The following FREM1 variants were observed in gnomAD, a reference collection of about 807,000 sequenced individuals.
FREM1 encodes the protein FRAS1-related extracellular matrix protein 1.
A neutral mutation model predicts 210.1 loss-of-function variants in FREM1; 220 were observed. That is an observed-to-expected ratio of 1.05 (90% confidence interval 0.94 to 1.17). FREM1 has a LOEUF of 1.17. Among genes scored for constraint, FREM1 ranks in the 50% most tolerant of loss-of-function variants. The pLI is 0.00. For synonymous variants in FREM1, 1,189 were observed against 980.2 expected (o/e 1.21, Z -3.98); for missense variants, 3,454 against 2,675.5 (o/e 1.29, Z -6.42).
chr9:14,757,256 T>C (rs1041280463), intron 28 of FREM1, among the ~76,000 whole-genome samples: 2 of 151,946 alleles, frequency 1.3e-5, no homozygotes, highest in Non-Finnish European at 2.9e-5. Context: ...CCCAAACACA[T>C]GTTAAGAAGT....
intron 16 of FREM1, 123 bp downstream of exon 16, chr9:14,812,689 C>A: frequency 1.0e-6 from 1 of 963,360 alleles, no homozygotes; most frequent in East Asian, 2.5e-5. Context: ...GGCCAGGCTG[C>A]AGCTGCTTCT....
rs922105557 is a variant in FREM1 at position 14,836,129 on chromosome 9, C to T, written c.1881+5318G>A. On this transcript the variant is annotated intron_variant, in intron 10 of 36. Transcript: ENST00000380880. The surrounding 1 kb of genome is among the most constrained non-coding windows in gnomAD (Gnocchi z 4.9). ...ATAAAACCAAGGAACTTCATAGACC[C>T]CCAAAGGGGAGTTCTCTATCTTGGC... is the stretch of plus-strand genomic sequence containing the variant. Among the ~76,000 whole-genome samples the T allele has an allele frequency of 1.3e-5, 2 of 152,168 alleles. No homozygotes were observed. The highest frequency in any genetic ancestry group is 2.4e-5 in the African/African-American group (1 of 41,444).
rs749104141 is a variant in FREM1 at position 14,775,774 on chromosome 9, G to A, written c.4857+15C>T. The A allele has an allele frequency of 2.2e-6, 3 of 1,341,108 alleles. No individual in the cohort carries two copies. The highest frequency in any genetic ancestry group is 3.5e-5 in the Admixed American group (2 of 57,890). The allele number at this position is 1,341,108 out of a possible 1,614,324, so 83.1% of individuals were successfully genotyped here. ...TTCACATCTCTGGCAAATGAACTGTGTTTTTCATACTTGCCTGAATGGTGA... is the reference window on the plus strand; with the variant it reads ...TTCACATCTCTGGCAAATGAACTGTATTTTTCATACTTGCCTGAATGGTGA... On this transcript the variant is annotated intron_variant, in intron 25 of 36. Coordinates refer to ENST00000380880, the MANE Select transcript of FREM1 (RefSeq NM_001379081.2).
chr9:14,752,005 A>G (rs1587706889), intron 29 of FREM1, among the ~76,000 whole-genome samples: 1 of 150,406 alleles, frequency 6.6e-6, no homozygotes, highest in South Asian at 2.1e-4. Flanking sequence ...AGCATCTAGT[A>G]TGTATAATAA....
intron 10 of FREM1, among the ~76,000 whole-genome samples, chr9:14,831,485 C>T (rs1823545773): frequency 6.6e-6 from 1 of 152,168 alleles, no homozygotes; most frequent in Non-Finnish European, 1.5e-5. Context: ...ATTTTAATCT[C>T]GATATTGTCC....
intron 27 of FREM1, among the ~76,000 whole-genome samples, chr9:14,768,799 CT>C (rs1341867727): frequency 2.0e-5 from 3 of 152,114 alleles, no homozygotes; most frequent in Non-Finnish European, 4.4e-5. Flanking sequence ...GCTTTCTTTT[CT>C]TAATCTATAC....
chr9:14,751,689 C>T, intron 29 of FREM1: 1 of 152,204 alleles, frequency 6.6e-6, no homozygotes, highest in Non-Finnish European at 1.5e-5. Flanking sequence ...TTTTATCTTG[C>T]AGATTGCCTT....
chr9:14,830,128 T>C (rs1588227629), intron 10 of FREM1, among the ~76,000 whole-genome samples: 1 of 152,090 alleles, frequency 6.6e-6, no homozygotes, highest in African/African-American at 2.4e-5. Flanking sequence ...CTGGATAGTT[T>C]CAAGGGAAGA....
intron 36 of FREM1, among the ~76,000 whole-genome samples, chr9:14,738,860 C>T (rs1035849002): frequency 1.1e-4 from 17 of 151,460 alleles, no homozygotes; most frequent in Non-Finnish European, 4.4e-5. Context: ...AAATACAAAA[C>T]TTAGCCAGGT....
chr9:14,801,814 T>A lies in FREM1; in HGVS notation c.3532A>T (p.Ile1178Phe). ...CTGAACAGCAGGGCATCCTGGGGAA[T>A]GTCCAGGTCCACAGCGCTGATGATG... ...SSIISAVDLDIPQDALLFSIT... is the reference protein window; with the variant it reads ...SSIISAVDLDFPQDALLFSIT... The change falls in exon 20 of 37, where the codon ATT becomes TTT. Residue 1178 changes from isoleucine (I) to phenylalanine (F), a missense_variant. By Grantham distance (21) the Ile-to-Phe change is conservative. Coordinates refer to ENST00000380880, the MANE Select transcript of FREM1 (RefSeq NM_001379081.2). 1.2e-6 allele frequency: 2 copies of A among 1,613,982 alleles called. No homozygotes were observed. The highest frequency in any genetic ancestry group is 1.7e-6 in the Non-Finnish European group (2 of 1,179,886).
At chr9:14,813,233 T>C (rs1237855793) in intron 15 of FREM1, among the ~76,000 whole-genome samples, 169 bp from the exon 16 acceptor site, 2 of 152,190 alleles carry the variant, frequency 1.3e-5, no homozygotes, top group South Asian at 2.1e-4. Flanking sequence ...ACTTTTCCCA[T>C]GTAAACCATC....
At chr9:14,804,356 C>A (rs138596396) in intron 19 of FREM1, among the ~76,000 whole-genome samples, 1 of 152,074 alleles carries the variant, frequency 6.6e-6, no homozygotes, top group East Asian at 1.9e-4. Context: ...AAGGCCGAGG[C>A]GGGCGGATCA....
At position 14,851,284 on chromosome 9, in the gene FREM1, C is replaced by G. The variant is rs1239521140; in HGVS notation, c.1152G>C (p.Glu384Asp). 4 of 1,575,250 alleles carry G rather than the reference C, an allele frequency of 2.5e-6. No homozygotes were observed. The highest frequency in any genetic ancestry group is 2.6e-6 in the Non-Finnish European group (3 of 1,160,132). Reference protein sequence around the residue: ...NSSHSERRHDEVELEVYDFFF... With the variant: ...NSSHSERRHDDVELEVYDFFF... ...TGGAAGCTTTGTCTCTCCTTCTTAC[C>G]TCATCATGTCTCCTCTCAGAATGGC... Residue 384 changes from glutamate (E) to aspartate (D), a missense_variant and splice_region_variant, in exon 6 of 37, where the codon GAG becomes GAC. Coordinates refer to ENST00000380880, the MANE Select transcript of FREM1 (RefSeq NM_001379081.2).
chr9:14,870,481 TTGTC>T (rs1832426914), intron 1 of FREM1, among the ~76,000 whole-genome samples: 1 of 152,058 alleles, frequency 6.6e-6, no homozygotes, highest in Non-Finnish European at 1.5e-5. Context: ...TTTGTTGCTG[TTGTC>T]TTTGTTTTTT....
At chr9:14,789,751 T>G (rs1850989441) in intron 22 of FREM1, among the ~76,000 whole-genome samples, 1 of 152,220 alleles carries the variant, frequency 6.6e-6, no homozygotes, top group Non-Finnish European at 1.5e-5. Flanking sequence ...TAAGCCAACA[T>G]TATTTAAGCA....
chr9:14,842,835 T>C (rs1174231914), intron 8 of FREM1, among the ~76,000 whole-genome samples, 175 bp from the exon 9 acceptor site: 1 of 152,220 alleles, frequency 6.6e-6, no homozygotes, highest in Non-Finnish European at 1.5e-5. Context: ...TAGTTTTGAA[T>C]ACTGGCTCCA....
intron 14 of FREM1, among the ~76,000 whole-genome samples, chr9:14,817,833 C>A (rs948503082): frequency 6.6e-6 from 1 of 152,122 alleles, no homozygotes; most frequent in African/African-American, 2.4e-5. Flanking sequence ...GATCCTCTCA[C>A]GCACTACCCG....
chr9:14,792,604 G>A, intron 22 of FREM1, 139 bp downstream of exon 22: 1 of 587,602 alleles, frequency 1.7e-6, no homozygotes, highest in Non-Finnish European at 2.8e-6. Flanking sequence ...AATTCACCCT[G>A]AACTAGTAAA....
At chr9:14,851,927 T>C (rs907932197) in intron 5 of FREM1, among the ~76,000 whole-genome samples, 1 of 152,236 alleles carries the variant, frequency 6.6e-6, no homozygotes, top group African/African-American at 2.4e-5. Flanking sequence ...TTTATCATTC[T>C]ATCTCCAACA....
Sources: allele counts gnomAD v4.1 joint callset (sites outside exome capture counted in the v4.1 genomes callset), GRCh38; gene constraint gnomAD v4.1.1; non-coding constraint Gnocchi (gnomAD v3.1); transcripts MANE v1.5; gene names NCBI Gene and HGNC (gene_info 2026-07-23, HGNC 2026-07-21).